Variants in RAB43 observed in about 807,000 individuals in gnomAD.
RAB43 encodes the protein ras-related protein Rab-43.
In RAB43, 6 loss-of-function variants were observed where a neutral mutation model predicts 18.8. The ratio of observed to expected loss-of-function variants is 0.32; its 90% CI spans 0.17 to 0.63. The LOEUF (loss-of-function observed/expected upper bound fraction) is 0.63. RAB43 is among the 30% of genes least tolerant of loss of function. The probability of loss-of-function intolerance (pLI) is 0.79; values close to 1 mark genes in which losing one functional copy is unlikely to be tolerated. For synonymous variants in RAB43, 103 were observed against 124.1 expected (o/e 0.83, Z 1.13); for missense variants, 195 against 289.1 (o/e 0.67, Z 2.36).
intron 1 of RAB43, among the ~76,000 whole-genome samples, chr3:129,116,347 G>C (rs1241119730): frequency 6.6e-6 from 1 of 152,208 alleles, no homozygotes; most frequent in East Asian, 1.9e-4. Context: ...TTTGCAATTA[G>C]GATGGCTGTC....
At chr3:129,120,603 G>T (rs1314636433) in intron 1 of RAB43, among the ~76,000 whole-genome samples, 1 of 152,086 alleles carries the variant, frequency 6.6e-6, no homozygotes, top group Non-Finnish European at 1.5e-5. Flanking sequence ...GTTTTTATTC[G>T]GAGCCATTGC....
At chr3:129,116,985 TA>T (rs1935579092) in intron 1 of RAB43, among the ~76,000 whole-genome samples, 3 of 151,950 alleles carry the variant, frequency 2.0e-5, no homozygotes, top group South Asian at 4.2e-4. Flanking sequence ...AATTCAGACC[TA>T]ATCTGTCTCA....
intron 1 of RAB43, among the ~76,000 whole-genome samples, chr3:129,109,425 AT>A (rs954861867): frequency 1.4e-5 from 2 of 147,740 alleles, no homozygotes; most frequent in African/African-American, 2.5e-5. Context: ...AAAAAAAAAA[AT>A]CAATGTCATT....
chr3:129,118,639 T>C (rs1935702241), intron 1 of RAB43, among the ~76,000 whole-genome samples: 1 of 152,210 alleles, frequency 6.6e-6, no homozygotes, highest in South Asian at 2.1e-4. Flanking sequence ...TAAGACTGGA[T>C]GCTTGCTGGA....
chr3:129,093,628 G>A (rs999190241), intron 2 of RAB43, among the ~76,000 whole-genome samples: 2 of 152,104 alleles, frequency 1.3e-5, no homozygotes, highest in South Asian at 4.2e-4. Flanking sequence ...GCAAGAAAAG[G>A]TGGGGAAATG....
At chr3:129,112,112 G>A (rs969935399) in intron 1 of RAB43, among the ~76,000 whole-genome samples, 3 of 151,940 alleles carry the variant, frequency 2.0e-5, no homozygotes, top group African/African-American at 7.3e-5. Flanking sequence ...AAATTAGCCG[G>A]GCGTGGTGGC....
At chr3:129,104,034 G>A (rs975142099) in intron 1 of RAB43, among the ~76,000 whole-genome samples, 1 of 152,200 alleles carries the variant, frequency 6.6e-6, no homozygotes, top group Non-Finnish European at 1.5e-5. Context: ...CATCAGGCTA[G>A]TTTTCTGCAA....
chr3:129,101,965 T>C (rs1444287195), intron 1 of RAB43, among the ~76,000 whole-genome samples: 1 of 152,204 alleles, frequency 6.6e-6, no homozygotes, highest in Non-Finnish European at 1.5e-5. Context: ...CCTCACTCCC[T>C]GCCTGGGAGC....
chr3:129,119,389 G>T (rs1418118077), intron 1 of RAB43, among the ~76,000 whole-genome samples: 3 of 152,120 alleles, frequency 2.0e-5, no homozygotes, highest in Non-Finnish European at 2.9e-5. Flanking sequence ...CAGACAACGG[G>T]ATTCTGAAAA....
At chr3:129,111,818 G>A (rs1325307030) in intron 1 of RAB43, among the ~76,000 whole-genome samples, 1 of 151,430 alleles carries the variant, frequency 6.6e-6, no homozygotes, top group Non-Finnish European at 1.5e-5. Flanking sequence ...ATTCTTATTG[G>A]GAATATTGAA....
intron 1 of RAB43, among the ~76,000 whole-genome samples, chr3:129,114,582 T>C (rs905531470): frequency 6.6e-6 from 1 of 152,130 alleles, no homozygotes; most frequent in African/African-American, 2.4e-5. Flanking sequence ...CTCTGAGAAT[T>C]CCTCATACCC....
chr3:129,107,054 A>G lies in RAB43; in HGVS notation c.205-11885T>C, dbSNP rs542676983. ...GGGGCCAGAGGCCATGAAAGCCAGG[A>G]AGGCAGAGTTCTGTGGGCACCTGGC... On this transcript the variant is annotated intron_variant, in intron 1 of 2. Transcript: ENST00000315150. This position sits in a 1 kb window ranked among gnomAD's most constrained non-coding sequence, Gnocchi z 4.2. Among the ~76,000 whole-genome samples the G allele has an allele frequency of 6.6e-6, 1 of 152,342 alleles. No individual in the cohort carries two copies. The highest frequency in any genetic ancestry group is 1.9e-4 in the East Asian group (1 of 5,176).
intron 2 of RAB43, among the ~76,000 whole-genome samples, chr3:129,093,383 G>A (rs1933810679): frequency 6.6e-6 from 1 of 152,126 alleles, no homozygotes; most frequent in Admixed American, 6.5e-5. Context: ...AGGTCGAGAC[G>A]GGTGGATCAC....
chr3:129,091,412 G>A (rs1008269669), intron 2 of RAB43, 66 bp from the exon 3 acceptor site: 1 of 1,529,964 alleles, frequency 6.5e-7, no homozygotes, highest in Non-Finnish European at 8.8e-7. Flanking sequence ...CACCTGGGAG[G>A]GTCACGCTGA....
intron 2 of RAB43, among the ~76,000 whole-genome samples, chr3:129,092,058 TAAAAAAAAAA>T (rs1012657876): frequency 1.7e-5 from 1 of 59,618 alleles, no homozygotes; most frequent in African/African-American, 6.8e-5. Context: ...AACTCCGTCA[TAAAAAAAAAA>T]AAAAAAAAAA....
chr3:129,120,217 C>A (rs1935817568), intron 1 of RAB43, among the ~76,000 whole-genome samples: 1 of 152,122 alleles, frequency 6.6e-6, no homozygotes, highest in African/African-American at 2.4e-5. Context: ...GAGGCAACAC[C>A]CAGAAATTAT....
intron 1 of RAB43, among the ~76,000 whole-genome samples, chr3:129,101,003 G>A (rs1232637740): frequency 3.3e-5 from 5 of 152,048 alleles, no homozygotes; most frequent in South Asian, 2.1e-4. Context: ...ACAGGGTTTC[G>A]CCATGTTGGC....
intron 1 of RAB43, among the ~76,000 whole-genome samples, chr3:129,098,899 C>T (rs1335257314): frequency 6.6e-6 from 1 of 151,860 alleles, no homozygotes; most frequent in Non-Finnish European, 1.5e-5. Context: ...ATGGTAAAAC[C>T]CCATCTCTAC....
At chr3:129,109,440 A>G (rs1184229885) in intron 1 of RAB43, among the ~76,000 whole-genome samples, 1 of 151,500 alleles carries the variant, frequency 6.6e-6, no homozygotes, top group Non-Finnish European at 1.5e-5. Flanking sequence ...TGTCATTTAA[A>G]AAAAAAGGAG....
Sources: allele counts gnomAD v4.1 joint callset (sites outside exome capture counted in the v4.1 genomes callset), GRCh38; gene constraint gnomAD v4.1.1; non-coding constraint Gnocchi (gnomAD v3.1); transcripts MANE v1.5; gene names NCBI Gene and HGNC (gene_info 2026-07-23, HGNC 2026-07-21).